The following ANKRD34B variants were observed in gnomAD, a reference collection of about 807,000 sequenced individuals.
The protein encoded by ANKRD34B is ankyrin repeat domain 34B, also known as ankyrin repeat domain-containing protein 34B.
Under a neutral mutation model 4.4 loss-of-function variants are expected in ANKRD34B, and 2 were observed. That is an observed-to-expected ratio of 0.46 (90% CI 0.19 to 1.44). The LOEUF is 1.44. ANKRD34B is among the 40% of genes most tolerant of loss of function. ANKRD34B has a pLI of 0.26. For synonymous variants in ANKRD34B, 226 were observed against 227.1 expected (o/e 0.99, Z 0.05); for missense variants, 558 against 604.7 (o/e 0.92, Z 0.81).
chr5:80,567,263 C>T (rs149459212), intron 2 of ANKRD34B, among the ~76,000 whole-genome samples: 58 of 152,206 alleles, frequency 3.8e-4, no homozygotes, highest in Non-Finnish European at 6.6e-4. Context: ...ATCTTGGAGA[C>T]GATAGGCCAG....
Position 80,558,413 on chromosome 5 carries a change from T to A in ANKRD34B, c.*62A>T. On this transcript the variant is annotated 3_prime_UTR_variant, in exon 5 of 5. Transcript: ENST00000338682. ...TAAAAGAATGAACATTTAAGATTTC[T>A]TCTCTAGTTCTTTGTTTCTCTGATA... 7.8e-7 allele frequency: 1 copy of A among 1,276,994 alleles called. No homozygotes were observed. 79.1% of individuals were successfully genotyped at this position (1,276,994 alleles called of 1,614,324 possible). A position where few individuals can be genotyped will look rare whatever the true frequency, so the allele number is the denominator to read the frequency against.
In ANKRD34B at chr5:80,557,277, T is replaced by G. The variant is rs1317900673; in HGVS notation, c.*1198A>C. On this transcript the variant is annotated 3_prime_UTR_variant, in exon 5 of 5. Coordinates refer to ENST00000338682, the MANE Select transcript of ANKRD34B (RefSeq NM_001004441.3). ...ATTACTTTATAATATTTTATAATAC[T>G]AATATGGTATTCATTAATTTTGTTG... 1.3e-5 allele frequency: 2 copies of G among 151,986 alleles called. No homozygotes were observed. The highest frequency in any genetic ancestry group is 4.8e-5 in the African/African-American group (2 of 41,428). The allele number at this position is 151,986 out of a possible 1,614,324, so 9.4% of individuals were successfully genotyped here.
Position 80,559,942 on chromosome 5 carries a change from T to G in ANKRD34B, c.78A>C (p.Thr26=). 1 of 1,614,074 alleles carries G rather than the reference T, an allele frequency of 6.2e-7. No homozygotes were observed. Among genetic ancestry groups the G allele is most frequent in the Non-Finnish European group, 8.5e-7 (1 of 1,179,978 alleles). Residue 26 remains threonine (T), a synonymous_variant, in exon 5 of 5, where the codon ACA becomes ACC. Transcript: ENST00000338682. ...KAVHQSRLRL[T]RLLLEGGAYI... Reference sequence around the variant, plus strand: ...AGGCACCGCCTTCTAGCAAAAGTCTTGTGAGGCGAAGCCGGCTCTGATGGA... The same window carrying G: ...AGGCACCGCCTTCTAGCAAAAGTCTGGTGAGGCGAAGCCGGCTCTGATGGA...
chr5:80,567,794 G>T (rs1746620802), intron 2 of ANKRD34B, among the ~76,000 whole-genome samples: 1 of 151,794 alleles, frequency 6.6e-6, no homozygotes, highest in African/African-American at 2.4e-5. Context: ...CGTCGCCCTT[G>T]CCCCAGTCCC....
In ANKRD34B at chr5:80,568,925, C is replaced by CAG. The variant is rs1554060878; in HGVS notation, c.-191+33_-191+34dup. The CAG allele has an allele frequency of 3.2e-3, 162 of 49,882 alleles. 3 individuals carry two copies. Among genetic ancestry groups the CAG allele is most frequent in the African/African-American group, 4.7e-3 (70 of 15,030 alleles). 3.1% of individuals were successfully genotyped at this position (49,882 alleles called of 1,614,324 possible). ...ACACACACACACACACACACACACA[C>CAG]AGAGAGAGAGAGAGAGAGAGAGAGA... On this transcript the variant is annotated intron_variant, in intron 2 of 4. Transcript: ENST00000338682.
rs763530468 is a variant in ANKRD34B, at chr5:80,559,275, C to T, written c.745G>A (p.Val249Ile). The T allele has an allele frequency of 6.2e-7, 1 of 1,614,150 alleles. No homozygotes were observed. The highest frequency in any genetic ancestry group is 1.7e-5 in the Admixed American group (1 of 60,012). The change falls in exon 5 of 5, where the codon GTC becomes ATC. Residue 249 changes from valine to isoleucine, a missense_variant. By Grantham distance (29) the Val-to-Ile change is conservative (BLOSUM62 3). Coordinates refer to ENST00000338682, the MANE Select transcript of ANKRD34B (RefSeq NM_001004441.3). ...TGCATTAATAATGGGGGACTCTTGACCCAGGGTGGAGCGTGGGGGAGCTTG... is the reference window on the plus strand; with the variant it reads ...TGCATTAATAATGGGGGACTCTTGATCCAGGGTGGAGCGTGGGGGAGCTTG... ...GPKLPHAPPW[V>I]KSPPLLMHQN...
Position 80,559,026 on chromosome 5 carries a change from T to C in ANKRD34B, c.994A>G (p.Asn332Asp). The change falls in exon 5 of 5, where the codon AAT becomes GAT. Residue 332 changes from asparagine to aspartate, a missense_variant. Transcript: ENST00000338682. Reference protein sequence around the residue: ...INCQSYLSEGNQQCIEVPVDQ... With the variant: ...INCQSYLSEGDQQCIEVPVDQ... ...ACAGGGACTTCAATGCATTGCTGAT[T>C]TCCTTCTGAAAGATAAGATTGACAA... 6.2e-7 allele frequency: 1 copy of C among 1,614,222 alleles called. No homozygotes were observed. The highest frequency in any genetic ancestry group is 8.5e-7 in the Non-Finnish European group (1 of 1,180,042).
intron 4 of ANKRD34B, among the ~76,000 whole-genome samples, chr5:80,562,052 CGTGTGTGTGTGTGTGTGTGTGTGT>C (rs56934964): frequency 1.6e-3 from 207 of 128,338 alleles, no homozygotes; most frequent in African/African-American, 3.9e-3. Context: ...ACTGACTCAG[CGTGTGTGTGTGTGTGTGTGTGTGT>C]GTGTGTGTGT....
chr5:80,568,147 T>C (rs1050375466), intron 2 of ANKRD34B, among the ~76,000 whole-genome samples: 2 of 152,344 alleles, frequency 1.3e-5, no homozygotes. Context: ...TCTTCTTTTG[T>C]GGGCATAAGA....
At chr5:80,567,861 C>T (rs576456508) in intron 2 of ANKRD34B, among the ~76,000 whole-genome samples, 3 of 152,070 alleles carry the variant, frequency 2.0e-5, no homozygotes, top group Non-Finnish European at 4.4e-5. Context: ...CAGCAGGGTG[C>T]GTATCAGGGA....
rs1746305798 is a variant in ANKRD34B, at chr5:80,558,281, T to C, written c.*194A>G. 2.3e-6 allele frequency: 1 copy of C among 431,502 alleles called. No homozygotes were observed. Among genetic ancestry groups the C allele is most frequent in the East Asian group, 3.7e-5 (1 of 27,304 alleles). The allele number at this position is 431,502 out of a possible 1,614,324, so 26.7% of individuals were successfully genotyped here. A position where few individuals can be genotyped will look rare whatever the true frequency, so the allele number is the denominator to read the frequency against. On this transcript the variant is annotated 3_prime_UTR_variant, in exon 5 of 5. Coordinates refer to ENST00000338682, the MANE Select transcript of ANKRD34B (RefSeq NM_001004441.3). ...ATCGCTTTCCTTTTGTTTGAGAGAATTCCCTTAACAGAAACTATGTATTAT... is the reference window on the plus strand; with the variant it reads ...ATCGCTTTCCTTTTGTTTGAGAGAACTCCCTTAACAGAAACTATGTATTAT...
At chr5:80,567,367 C>G (rs754783738) in intron 2 of ANKRD34B, among the ~76,000 whole-genome samples, 1 of 151,738 alleles carries the variant, frequency 6.6e-6, no homozygotes, top group Non-Finnish European at 1.5e-5. Flanking sequence ...TGCCTGTAAT[C>G]CCAGCACTTT....
intron 4 of ANKRD34B, among the ~76,000 whole-genome samples, chr5:80,562,052 CGTGTGTGTGTGTGTGTGT>C (rs56934964): frequency 8.1e-4 from 104 of 128,334 alleles, no homozygotes; most frequent in African/African-American, 2.4e-3. Flanking sequence ...ACTGACTCAG[CGTGTGTGTGTGTGTGTGT>C]GTGTGTGTGT....
chr5:80,557,835 A>T lies in ANKRD34B; in HGVS notation c.*640T>A, dbSNP rs1746286280. ...CCGGCATAGATTACTAGTAGGTTGTAAAACTCTGACTTGCCAGTTTGACAC... is the reference window on the plus strand; with the variant it reads ...CCGGCATAGATTACTAGTAGGTTGTTAAACTCTGACTTGCCAGTTTGACAC... On this transcript the variant is annotated 3_prime_UTR_variant, in exon 5 of 5. Transcript: ENST00000338682. 1 of 152,216 alleles carries T rather than the reference A, an allele frequency of 6.6e-6. No individual in the cohort carries two copies. Among genetic ancestry groups the T allele is most frequent in the Non-Finnish European group, 1.5e-5 (1 of 68,030 alleles). The allele number at this position is 152,216 out of a possible 1,614,324, so 9.4% of individuals were successfully genotyped here.
At chr5:80,560,289 T>C (rs1161054358) in intron 4 of ANKRD34B, among the ~76,000 whole-genome samples, 1 of 152,206 alleles carries the variant, frequency 6.6e-6, no homozygotes, top group African/African-American at 2.4e-5. Flanking sequence ...ACCAAAATAG[T>C]ACTTTCCTAA....
intron 4 of ANKRD34B, 135 bp downstream of exon 4, chr5:80,563,600 C>A (rs1010904068): frequency 3.9e-5 from 6 of 152,180 alleles, no homozygotes; most frequent in African/African-American, 1.4e-4. Context: ...GTGTTCATCT[C>A]CACTGCAGTA....
At chr5:80,567,632 A>G (rs1036798196) in intron 2 of ANKRD34B, among the ~76,000 whole-genome samples, 2 of 114,832 alleles carry the variant, frequency 1.7e-5, no homozygotes, top group African/African-American at 5.9e-5. Flanking sequence ...AAAAAAAAAA[A>G]AAAAGAAAAG....
At chr5:80,564,348 A>G in intron 3 of ANKRD34B, 1 of 152,322 alleles carries the variant, frequency 6.6e-6, no homozygotes. Context: ...CCTCCAGTAA[A>G]GGCCTTTCTC....
In ANKRD34B at chr5:80,559,725, C is replaced by T. The variant is rs1297809134; in HGVS notation, c.295G>A (p.Glu99Lys). 5.6e-6 allele frequency: 9 copies of T among 1,614,196 alleles called. No homozygotes were observed. The highest frequency in any genetic ancestry group is 1.3e-5 in the African/African-American group (1 of 75,046). ...CTCTTGAGGAGCAAGGAAACAACTT[C>T]AGGGCCAGCTTTTTCTAAGCAAGCA... ...MHACLEKAGP[E>K]VVSLLLKSGA... The change falls in exon 5 of 5, where the codon GAA becomes AAA. Residue 99 changes from glutamate (E) to lysine (K), a missense_variant. Glu to Lys is a moderately conservative substitution (Grantham distance 56). Coordinates refer to ENST00000338682, the MANE Select transcript of ANKRD34B (RefSeq NM_001004441.3).
Sources: gnomAD v4.1 joint callset for allele counts (sites outside exome capture counted in the v4.1 genomes callset) on GRCh38, gnomAD v4.1.1 for gene constraint, MANE v1.5 for transcripts, NCBI Gene and HGNC (gene_info 2026-07-23, HGNC 2026-07-21) for gene names.